Variants in TNFRSF11B observed in about 807,000 individuals in gnomAD.
The protein encoded by TNFRSF11B is tumor necrosis factor receptor superfamily member 11B.
In TNFRSF11B, 16 loss-of-function variants were observed where a neutral mutation model predicts 43.4. That is an observed-to-expected ratio of 0.37 (90% CI 0.25 to 0.56). The LOEUF is 0.56. Among genes scored for constraint, TNFRSF11B ranks in the 20% least tolerant of loss-of-function variants. The pLI is 0.80. For missense variants in TNFRSF11B, 444 were observed against 490.1 expected (o/e 0.91, Z 0.89); for synonymous variants, 185 against 181.8 (o/e 1.02, Z -0.14).
chr8:118,924,571 C>T lies in TNFRSF11B; in HGVS notation c.1009G>A (p.Gly337Ser). The T allele has an allele frequency of 6.2e-7, 1 of 1,614,128 alleles. No homozygotes were observed. The highest frequency in any genetic ancestry group is 2.2e-5 in the East Asian group (1 of 44,886). ...AGGCCCTTCAAGGTGTCTTGGTCGC[C>T]ATTTTTTATTCGCCACAAACTGAGC... is the stretch of plus-strand genomic sequence containing the variant. ...KLLSLWRIKN[G>S]DQDTLKGLMH... is the part of the protein sequence containing the mutation. The change falls in exon 5 of 5, where the codon GGC (glycine) becomes AGC (serine). Residue 337 changes from glycine (G) to serine (S), a missense_variant. Physicochemically the swap from Gly to Ser is moderately conservative, Grantham distance 56. Transcript: ENST00000297350.
intron 4 of TNFRSF11B, among the ~76,000 whole-genome samples, chr8:118,925,852 ATCTC>A (rs1452546394): frequency 2.6e-5 from 4 of 152,124 alleles, no homozygotes; most frequent in Admixed American, 1.3e-4. Context: ...TTCTCTCCCT[ATCTC>A]TCTCTGTTTC....
intron 3 of TNFRSF11B, among the ~76,000 whole-genome samples, chr8:118,928,193 T>C (rs1207341728): frequency 6.6e-6 from 1 of 152,120 alleles, no homozygotes; most frequent in African/African-American, 2.4e-5. Flanking sequence ...AGCTAATTTT[T>C]GTATTTTTAG....
chr8:118,951,017 T>C (rs1812635772), intron 1 of TNFRSF11B, among the ~76,000 whole-genome samples: 1 of 152,164 alleles, frequency 6.6e-6, no homozygotes, highest in Non-Finnish European at 1.5e-5. Context: ...AAAACCTACA[T>C]GCAAATCTTA....
chr8:118,941,259 G>T (rs1054810067), intron 1 of TNFRSF11B, among the ~76,000 whole-genome samples: 1 of 152,150 alleles, frequency 6.6e-6, no homozygotes, highest in African/African-American at 2.4e-5. Flanking sequence ...ATCTACTGCT[G>T]CCAGTTCCCC....
intron 3 of TNFRSF11B, 65 bp downstream of exon 3, chr8:118,928,673 G>T: frequency 1.3e-6 from 2 of 1,553,198 alleles, no homozygotes; most frequent in Non-Finnish European, 1.8e-6. Context: ...GAGGCCTTGT[G>T]TTCAACTCAG....
At position 118,942,841 on chromosome 8, in the gene TNFRSF11B, A is replaced by T. The variant is rs531193031; in HGVS notation, c.30+8951T>A. On this transcript the variant is annotated intron_variant, in intron 1 of 4. Transcript: ENST00000297350. ...CTTTTCCCTCTCGGAGCTTGCAGTT[A>T]TGAAGAAGATTGACATATAAATGGT... 1.1e-4 allele frequency among the ~76,000 whole-genome samples: 16 copies of T among 152,292 alleles called. No homozygotes were observed. The East Asian group carries it at 3.1e-3, about 29-fold the overall frequency.
At chr8:118,951,681 G>T in intron 1 of TNFRSF11B, 111 bp downstream of exon 1, 2 of 1,075,032 alleles carry the variant, frequency 1.9e-6, no homozygotes, top group South Asian at 1.3e-5. Context: ...AGCCTCTCCT[G>T]GGAGGGAGCG....
intron 1 of TNFRSF11B, among the ~76,000 whole-genome samples, chr8:118,933,755 G>A (rs1812360979): frequency 6.6e-6 from 1 of 150,584 alleles, no homozygotes; most frequent in African/African-American, 2.4e-5. Flanking sequence ...GGGGATGTGG[G>A]ATTGGGCCTG....
chr8:118,942,887 A>G (rs903273155), intron 1 of TNFRSF11B, among the ~76,000 whole-genome samples: 2 of 152,128 alleles, frequency 1.3e-5, no homozygotes, highest in East Asian at 1.9e-4. Context: ...ACAAAACTCA[A>G]TATGATTTAC....
intron 1 of TNFRSF11B, among the ~76,000 whole-genome samples, chr8:118,942,803 C>T (rs369563553): frequency 2.2e-4 from 34 of 152,188 alleles, no homozygotes; most frequent in African/African-American, 7.9e-4. Flanking sequence ...GAACCTAAGC[C>T]TTTAACAACT....
At chr8:118,938,743 T>A (rs1426259600) in intron 1 of TNFRSF11B, among the ~76,000 whole-genome samples, 4 of 152,176 alleles carry the variant, frequency 2.6e-5, no homozygotes, top group Non-Finnish European at 4.4e-5. Context: ...GCTACTGAGT[T>A]GAAAATTTAT....
intron 4 of TNFRSF11B, among the ~76,000 whole-genome samples, chr8:118,925,500 T>C (rs935197438): frequency 6.6e-6 from 1 of 152,254 alleles, no homozygotes; most frequent in South Asian, 2.1e-4. Flanking sequence ...GGGCTAATTA[T>C]ACGTTCAAAG....
In TNFRSF11B at chr8:118,924,518, C is replaced by T. The variant is rs774995576; in HGVS notation, c.1062G>A (p.Thr354=). Residue 354 remains threonine (T), a synonymous_variant, in exon 5 of 5, where the codon ACG becomes ACA. Coordinates refer to ENST00000297350, the MANE Select transcript of TNFRSF11B (RefSeq NM_002546.4). ...GAGTGACAGTTTTGGGAAAGTGGTA[C>T]GTCTTTGAGTGCTTTAGTGCGTGCA... ...GLMHALKHSK[T]YHFPKTVTQS... is the part of the protein sequence containing the mutation. The T allele has an allele frequency of 1.5e-5, 25 of 1,613,944 alleles. No homozygotes were observed. Among genetic ancestry groups the T allele is most frequent in the East Asian group, 4.5e-5 (2 of 44,902 alleles).
Position 118,951,882 on chromosome 8 carries a change from C to G in TNFRSF11B, c.-61G>C. On this transcript the variant is annotated 5_prime_UTR_variant, in exon 1 of 5. Coordinates refer to ENST00000297350, the MANE Select transcript of TNFRSF11B (RefSeq NM_002546.4). ...CGGCTGGGCGAGCGCTCCGGTGCGT[C>G]TCCGCAGCCCGTGCGCTCATCACGT... 6.8e-7 allele frequency: 1 copy of G among 1,463,770 alleles called. No homozygotes were observed. Among genetic ancestry groups the G allele is most frequent in the Non-Finnish European group, 9.4e-7 (1 of 1,065,818 alleles). The allele number at this position is 1,463,770 out of a possible 1,614,324, so 90.7% of individuals were successfully genotyped here.
chr8:118,939,246 C>T (rs1473474843), intron 1 of TNFRSF11B, among the ~76,000 whole-genome samples: 1 of 152,146 alleles, frequency 6.6e-6, no homozygotes, highest in Non-Finnish European at 1.5e-5. Context: ...CCTCCTCTCC[C>T]CTTTTCCTCC....
At chr8:118,936,665 A>C (rs1812409578) in intron 1 of TNFRSF11B, among the ~76,000 whole-genome samples, 1 of 151,712 alleles carries the variant, frequency 6.6e-6, no homozygotes, top group South Asian at 2.1e-4. Context: ...TAAAATGCAG[A>C]CCCTTGATGA....
chr8:118,924,321 T>C lies in TNFRSF11B; in HGVS notation c.*53A>G. ...CTCAAGTGCCTGAGAAACAGTTTACTCATCCATGGGATCTCGCCAATTGTG... is the reference window on the plus strand; with the variant it reads ...CTCAAGTGCCTGAGAAACAGTTTACCCATCCATGGGATCTCGCCAATTGTG... On this transcript the variant is annotated 3_prime_UTR_variant, in exon 5 of 5. Coordinates refer to ENST00000297350, the MANE Select transcript of TNFRSF11B (RefSeq NM_002546.4). The C allele has an allele frequency of 1.2e-6, 2 of 1,603,524 alleles. No homozygotes were observed. Among genetic ancestry groups the C allele is most frequent in the South Asian group, 2.2e-5 (2 of 90,314 alleles).
rs116321565 is a variant in TNFRSF11B at position 118,933,144 on chromosome 8, C to T, written c.187G>A (p.Ala63Thr). The change falls in exon 2 of 5, where the codon GCC becomes ACC. Residue 63 changes from alanine to threonine, a missense_variant. By Grantham distance (58) the Ala-to-Thr change is moderately conservative. Transcript: ENST00000297350. ...GTGTAGTAGTGGTCAGGGCAAGGGG[C>T]GCACACGGTCTTCCACTTTGCTGTA... is the stretch of plus-strand genomic sequence containing the variant. The part of the protein sequence containing the change: ...HCTAKWKTVC[A>T]PCPDHYYTDS... 176 of 1,614,162 alleles carry T rather than the reference C, an allele frequency of 1.1e-4. No individual in the cohort carries two copies. Among genetic ancestry groups the T allele is most frequent in the African/African-American group, 1.0e-3 (78 of 75,044 alleles).
At chr8:118,932,837 T>G in intron 2 of TNFRSF11B, 94 bp downstream of exon 2, 3 of 1,547,514 alleles carry the variant, frequency 1.9e-6, no homozygotes, top group Non-Finnish European at 2.6e-6. Context: ...TTTGCTATCC[T>G]ATAATGTCAT....
Sources: gnomAD v4.1 joint callset for allele counts (sites outside exome capture counted in the v4.1 genomes callset) on GRCh38, gnomAD v4.1.1 for gene constraint, MANE v1.5 for transcripts, NCBI Gene and HGNC (gene_info 2026-07-23, HGNC 2026-07-21) for gene names.